The following KCNA2 variants were observed in gnomAD, a reference collection of about 807,000 sequenced individuals.
KCNA2 encodes potassium voltage-gated channel subfamily A member 2, also known as potassium channel, voltage gated shaker related subfamily A, member 2.
KCNA2 carries 11 observed loss-of-function variants against 33.4 expected under a neutral mutation model. That is an observed-to-expected ratio of 0.33 (90% CI 0.21 to 0.55). The LOEUF (loss-of-function observed/expected upper bound fraction) is 0.55. KCNA2 is among the 20% of genes least tolerant of loss of function. The probability of loss-of-function intolerance (pLI) is 0.93; values close to 1 mark genes in which losing one functional copy is unlikely to be tolerated. For missense variants in KCNA2, 291 were observed against 621.6 expected (o/e 0.47, Z 5.66); for synonymous variants, 222 against 231.3 (o/e 0.96, Z 0.37).
upstream of KCNA2, among the ~76,000 whole-genome samples, chr1:110,608,317 C>T (rs974792548): frequency 2.0e-5 from 3 of 152,234 alleles, no homozygotes; most frequent in Admixed American, 6.5e-5. Flanking sequence ...TAGTTCTGTT[C>T]TCCAGGTCCC....
chr1:110,612,714 G>A (rs1649915776), intron 1 of KCNA2, among the ~76,000 whole-genome samples: 2 of 152,194 alleles, frequency 1.3e-5, no homozygotes, highest in African/African-American at 4.8e-5. Context: ...CTACTCATTG[G>A]TGCCCTATTG....
Position 110,595,403 on chromosome 1 carries a change from G to A in KCNA2, c.*7880C>T, listed in dbSNP as rs189202153. Reference sequence around the variant, plus strand: ...GCACCAGCTGGTCATGTCAAGTCTGGGTTATGGGCTTCTGCTGCCTGATCA... The same window carrying A: ...GCACCAGCTGGTCATGTCAAGTCTGAGTTATGGGCTTCTGCTGCCTGATCA... On this transcript the variant is annotated 3_prime_UTR_variant, in exon 3 of 3. Coordinates refer to ENST00000316361, the MANE Select transcript of KCNA2 (RefSeq NM_004974.4). The A allele has an allele frequency of 1.8e-4, 176 of 985,438 alleles. No individual in the cohort carries two copies. The highest frequency in any genetic ancestry group is 1.4e-3 in the East Asian group (12 of 8,818). 61.0% of individuals were successfully genotyped at this position (985,438 alleles called of 1,614,324 possible).
intron 1 of KCNA2, among the ~76,000 whole-genome samples, chr1:110,619,519 G>T (rs1650179169): frequency 6.6e-6 from 1 of 152,218 alleles, no homozygotes. Flanking sequence ...CTGGCCGCCA[G>T]GGGGCGCCAC....
At chr1:110,625,007 C>A (rs1650355391) in intron 1 of KCNA2, among the ~76,000 whole-genome samples, 1 of 152,174 alleles carries the variant, frequency 6.6e-6, no homozygotes, top group Non-Finnish European at 1.5e-5. Flanking sequence ...ACTTCTTCCT[C>A]CTTCATTTTT....
intron 1 of KCNA2, among the ~76,000 whole-genome samples, chr1:110,612,474 A>C (rs1023619863): frequency 2.6e-5 from 4 of 151,820 alleles, no homozygotes; most frequent in Non-Finnish European, 5.9e-5. Flanking sequence ...TTCCTCCTTC[A>C]CCCGACACAC....
Position 110,593,887 on chromosome 1 carries a change from A to T in KCNA2, c.*9396T>A, listed in dbSNP as rs754039036. 8.7e-5 allele frequency: 135 copies of T among 1,550,038 alleles called. No individual in the cohort carries two copies. Among genetic ancestry groups the T allele is most frequent in the Non-Finnish European group, 1.1e-4 (128 of 1,146,814 alleles). ...CTTCCAGAATATGTCAGCAAGAATG[A>T]TAATATCAATACATCCTGTGCAATG... On this transcript the variant is annotated 3_prime_UTR_variant, in exon 3 of 3. Coordinates refer to ENST00000316361, the MANE Select transcript of KCNA2 (RefSeq NM_004974.4).
At chr1:110,620,394 G>T (rs576874758) in intron 1 of KCNA2, among the ~76,000 whole-genome samples, 1 of 152,146 alleles carries the variant, frequency 6.6e-6, no homozygotes, top group South Asian at 2.1e-4. Context: ...TACTGTGATT[G>T]GTGGGAACGT....
intron 1 of KCNA2, among the ~76,000 whole-genome samples, chr1:110,630,471 C>G (rs1383984465): frequency 1.3e-5 from 2 of 152,170 alleles, no homozygotes; most frequent in Non-Finnish European, 2.9e-5. Context: ...TCCCCAGTGC[C>G]CAGCACAGCA....
chr1:110,626,804 G>A (rs749493860), intron 1 of KCNA2, among the ~76,000 whole-genome samples: 2 of 152,120 alleles, frequency 1.3e-5, no homozygotes, highest in African/African-American at 2.4e-5. Context: ...TTCTGGTTCC[G>A]TGACAACACC....
In KCNA2 at chr1:110,618,069, C is replaced by T. The variant is rs564591795; in HGVS notation, c.-495-12347G>A. Among the ~76,000 whole-genome samples, 16 of 152,226 alleles carry T rather than the reference C, an allele frequency of 1.1e-4. No homozygotes were observed. In the South Asian group the frequency reaches 2.1e-3, roughly 20 times the overall value. ...GAGAAGAGCAGAGAGGGCCTGGGTGCGGCGGCTCATGCCTGTAATCCCAGC... is the reference window on the plus strand; with the variant it reads ...GAGAAGAGCAGAGAGGGCCTGGGTGTGGCGGCTCATGCCTGTAATCCCAGC... On this transcript the variant is annotated intron_variant, in intron 1 of 4. Coordinates refer to the KCNA2 transcript ENST00000369770.
Position 110,612,363 on chromosome 1 carries a change from A to G in KCNA2, c.-495-6641T>C, listed in dbSNP as rs574750876. On this transcript the variant is annotated intron_variant, in intron 1 of 4. Transcript: ENST00000369770. The stretch of plus-strand genomic sequence containing the variant: ...GCCCTAGGCTACAAACCTGTACAGC[A>G]TGTTACTGTGCTGAATAGTGTAGGT... 1.9e-3 allele frequency among the ~76,000 whole-genome samples: 297 copies of G among 152,340 alleles called. 2 individuals are homozygous for G. Among genetic ancestry groups the G allele is most frequent in the African/African-American group, 7.0e-3 (292 of 41,576 alleles).
At chr1:110,606,414 T>A (rs558573365), upstream of KCNA2, 1 of 152,186 alleles carries the variant, frequency 6.6e-6, no homozygotes, top group Admixed American at 6.5e-5. Flanking sequence ...AGGGGGAGCC[T>A]GGAGGAAGCC....
At chr1:110,616,119 T>C (rs1247076101) in intron 1 of KCNA2, among the ~76,000 whole-genome samples, 1 of 152,244 alleles carries the variant, frequency 6.6e-6, no homozygotes, top group Non-Finnish European at 1.5e-5. Flanking sequence ...GGGTTCTGCA[T>C]GCCTCAAAGG....
Position 110,593,887 on chromosome 1 carries a change from A to G in KCNA2, c.*9396T>C. 1.9e-6 allele frequency: 3 copies of G among 1,550,040 alleles called. No individual in the cohort carries two copies. The highest frequency in any genetic ancestry group is 2.6e-6 in the Non-Finnish European group (3 of 1,146,816). ...CTTCCAGAATATGTCAGCAAGAATG[A>G]TAATATCAATACATCCTGTGCAATG... On this transcript the variant is annotated 3_prime_UTR_variant, in exon 3 of 3. Coordinates refer to ENST00000316361, the MANE Select transcript of KCNA2 (RefSeq NM_004974.4).
rs1021671681 is a variant in KCNA2 at position 110,602,306 on chromosome 1, C to A, written c.*977G>T. On this transcript the variant is annotated 3_prime_UTR_variant, in exon 3 of 3. Coordinates refer to ENST00000316361, the MANE Select transcript of KCNA2 (RefSeq NM_004974.4). ...AAAAACCCCTAGTTCAAGACCATTCCAAGCCTATTAATACTCTAAATATTA... is the reference window on the plus strand; with the variant it reads ...AAAAACCCCTAGTTCAAGACCATTCAAAGCCTATTAATACTCTAAATATTA... 4 of 1,463,536 alleles carry A rather than the reference C, an allele frequency of 2.7e-6. No individual in the cohort carries two copies. The highest frequency in any genetic ancestry group is 3.6e-6 in the Non-Finnish European group (4 of 1,113,714). 90.7% of individuals were successfully genotyped at this position (1,463,536 alleles called of 1,614,324 possible).
In KCNA2 at chr1:110,599,334, G is replaced by C. The variant is rs975591365; in HGVS notation, c.*3949C>G. 1 of 984,552 alleles carries C rather than the reference G, an allele frequency of 1.0e-6. No individual in the cohort carries two copies. Among genetic ancestry groups the C allele is most frequent in the African/African-American group, 1.7e-5 (1 of 57,224 alleles). The allele number at this position is 984,552 out of a possible 1,614,324, so 61.0% of individuals were successfully genotyped here. On this transcript the variant is annotated 3_prime_UTR_variant, in exon 3 of 3. Transcript: ENST00000316361. ...TATTTAAATATGGCCTTAGAATATA[G>C]GATAAAGTCAGGCCCTCTAAAAAGT...
Position 110,595,848 on chromosome 1 carries a change from C to T in KCNA2, c.*7435G>A. ...TAGTTCTTCATTGGAATGTTACTTT[C>T]AGATCTCACAAACCTCAAACCTAGG... On this transcript the variant is annotated 3_prime_UTR_variant, in exon 3 of 3. Coordinates refer to ENST00000316361, the MANE Select transcript of KCNA2 (RefSeq NM_004974.4). 2 of 985,434 alleles carry T rather than the reference C, an allele frequency of 2.0e-6. No homozygotes were observed. The highest frequency in any genetic ancestry group is 2.4e-6 in the Non-Finnish European group (2 of 829,940). 61.0% of individuals were successfully genotyped at this position (985,434 alleles called of 1,614,324 possible).
chr1:110,618,148 C>T (rs1650129490), intron 1 of KCNA2, among the ~76,000 whole-genome samples: 1 of 152,154 alleles, frequency 6.6e-6, no homozygotes, highest in African/African-American at 2.4e-5. Flanking sequence ...TTGAAACCAG[C>T]TTGTGCAACA....
In KCNA2 at chr1:110,595,631, G is replaced by A; in HGVS notation, c.*7652C>T. Reference sequence around the variant, plus strand: ...CACTAGCAGGCAAGAGGGAGAATGAGAGCAGGTTTTAGCTTGCATCCAGCT... The same window carrying A: ...CACTAGCAGGCAAGAGGGAGAATGAAAGCAGGTTTTAGCTTGCATCCAGCT... On this transcript the variant is annotated 3_prime_UTR_variant, in exon 3 of 3. Coordinates refer to ENST00000316361, the MANE Select transcript of KCNA2 (RefSeq NM_004974.4). 1 of 985,432 alleles carries A rather than the reference G, an allele frequency of 1.0e-6. No homozygotes were observed. Among genetic ancestry groups the A allele is most frequent in the African/African-American group, 1.7e-5 (1 of 57,350 alleles). The allele number at this position is 985,432 out of a possible 1,614,324, so 61.0% of individuals were successfully genotyped here.
Sources: gnomAD v4.1 joint callset for allele counts (sites outside exome capture counted in the v4.1 genomes callset) on GRCh38, gnomAD v4.1.1 for gene constraint, MANE v1.5 for transcripts, NCBI Gene and HGNC (gene_info 2026-07-23, HGNC 2026-07-21) for gene names.